The following CSMD1 variants were observed in gnomAD, a reference collection of about 807,000 sequenced individuals.
CSMD1 encodes CUB and sushi domain-containing protein 1.
A neutral mutation model predicts 417.5 loss-of-function variants in CSMD1; 213 were observed. The ratio of observed to expected loss-of-function variants is 0.51; its 90% CI spans 0.46 to 0.57. CSMD1 has a LOEUF of 0.57. CSMD1 is among the 20% of genes least tolerant of loss of function. The pLI is 0.00. For missense variants in CSMD1, 6,923 were observed against 4,529.7 expected (o/e 1.53, Z -15.17); for synonymous variants, 2,862 against 1,736.8 (o/e 1.65, Z -16.11).
At position 3,479,321 on chromosome 8, in the gene CSMD1, C is replaced by A. The variant is rs190761093; in HGVS notation, c.1449-10497G>T. Among the ~76,000 whole-genome samples the A allele has an allele frequency of 2.0e-5, 3 of 152,234 alleles. No individual in the cohort carries two copies. The East Asian group carries it at 5.8e-4, about 29-fold the overall frequency. On this transcript the variant is annotated intron_variant, in intron 11 of 69. Coordinates refer to ENST00000635120, the MANE Select transcript of CSMD1 (RefSeq NM_033225.6). The stretch of plus-strand genomic sequence containing the variant: ...TTTAGACTAAGTTTCACTCTTGTCA[C>A]CCAGGCTGGAGTGCAGTGGCATGAT...
chr8:3,900,662 C>T (rs1807686476), intron 5 of CSMD1, among the ~76,000 whole-genome samples: 1 of 151,954 alleles, frequency 6.6e-6, no homozygotes, highest in African/African-American at 2.4e-5. Context: ...AGCTGAGTGA[C>T]AGTGTAGCTA....
chr8:2,967,967 G>C (rs996181452), intron 57 of CSMD1, among the ~76,000 whole-genome samples: 25 of 152,276 alleles, frequency 1.6e-4, no homozygotes, highest in African/African-American at 6.0e-4. Context: ...GCAGACAGAA[G>C]TACTCAATCA....
At chr8:3,594,645 C>T (rs1226824090) in intron 8 of CSMD1, among the ~76,000 whole-genome samples, 4 of 152,194 alleles carry the variant, frequency 2.6e-5, no homozygotes, top group Non-Finnish European at 5.9e-5. Context: ...TACCCTCTGC[C>T]TCCACCTCAC....
chr8:4,330,968 C>T (rs1585246700), intron 3 of CSMD1, among the ~76,000 whole-genome samples: 1 of 152,214 alleles, frequency 6.6e-6, no homozygotes, highest in East Asian at 1.9e-4. Context: ...ATGCAAGACC[C>T]CCCGACATAT....
intron 5 of CSMD1, among the ~76,000 whole-genome samples, chr8:3,921,384 G>C (rs1425434353): frequency 1.3e-5 from 2 of 151,566 alleles, no homozygotes; most frequent in African/African-American, 2.4e-5. Flanking sequence ...TGTCTTTCTA[G>C]CCTCTATTTA....
chr8:3,035,916 T>C (rs537066729), intron 50 of CSMD1, among the ~76,000 whole-genome samples: 1 of 152,324 alleles, frequency 6.6e-6, no homozygotes, highest in Admixed American at 6.5e-5. Flanking sequence ...TTTCTTCAAT[T>C]TTCACAAATT....
chr8:4,670,528 G>A (rs2130945631), intron 1 of CSMD1, among the ~76,000 whole-genome samples: 1 of 152,064 alleles, frequency 6.6e-6, no homozygotes, highest in African/African-American at 2.4e-5. Context: ...TAACTGCAAG[G>A]GATACTGTGT....
At chr8:3,776,251 T>A (rs567269732) in intron 5 of CSMD1, among the ~76,000 whole-genome samples, 18 of 152,294 alleles carry the variant, frequency 1.2e-4, no homozygotes, top group Admixed American at 8.5e-4. Flanking sequence ...GCCTCCCTGC[T>A]TCTATCCTCC....
At chr8:3,706,704 C>G (rs1030896290) in intron 7 of CSMD1, among the ~76,000 whole-genome samples, 1 of 151,646 alleles carries the variant, frequency 6.6e-6, no homozygotes, top group South Asian at 2.1e-4. Flanking sequence ...AAGAGTTTGG[C>G]CGGATATGTG....
chr8:3,006,121 A>G (rs930689575), intron 52 of CSMD1, among the ~76,000 whole-genome samples: 3 of 151,128 alleles, frequency 2.0e-5, no homozygotes, highest in African/African-American at 4.9e-5. Flanking sequence ...ATTCTTATAC[A>G]CCAACAACAG....
chr8:4,561,321 T>C (rs755848673), intron 2 of CSMD1, among the ~76,000 whole-genome samples: 48 of 152,092 alleles, frequency 3.2e-4, no homozygotes, highest in African/African-American at 1.0e-3. Flanking sequence ...TTGCAGTGAA[T>C]CGAGATCATG....
chr8:4,905,830 AAAAAG>A (rs1221358540), intron 1 of CSMD1, among the ~76,000 whole-genome samples: 8 of 142,252 alleles, frequency 5.6e-5, no homozygotes, highest in East Asian at 2.0e-4. Flanking sequence ...AAAAAAAAAA[AAAAAG>A]AAAAAAAGAA....
At chr8:3,861,428 G>C (rs1381837754) in intron 5 of CSMD1, among the ~76,000 whole-genome samples, 1 of 152,204 alleles carries the variant, frequency 6.6e-6, no homozygotes, top group Non-Finnish European at 1.5e-5. Flanking sequence ...AATTGCATCT[G>C]ACTGGGGGTA....
intron 11 of CSMD1, among the ~76,000 whole-genome samples, chr8:3,486,415 T>C (rs1818038309): frequency 6.6e-6 from 1 of 152,238 alleles, no homozygotes; most frequent in Non-Finnish European, 1.5e-5. Context: ...CATCCTTCGA[T>C]GTTTATTTGA....
At chr8:3,050,637 T>C (rs1811760004) in intron 50 of CSMD1, among the ~76,000 whole-genome samples, 1 of 152,170 alleles carries the variant, frequency 6.6e-6, no homozygotes, top group Non-Finnish European at 1.5e-5. Context: ...AATAAAATAG[T>C]ACCGTCTTAA....
chr8:3,221,802 C>T (rs767810487), intron 28 of CSMD1, among the ~76,000 whole-genome samples: 115 of 152,232 alleles, frequency 7.6e-4, no homozygotes, highest in African/African-American at 2.6e-3. Flanking sequence ...ATGGAACATC[C>T]TCTCTCATCC....
At chr8:4,453,849 T>C (rs562393842) in intron 2 of CSMD1, among the ~76,000 whole-genome samples, 130 of 109,428 alleles carry the variant, frequency 1.2e-3, no homozygotes, top group African/African-American at 3.3e-3. Context: ...TGAGACAGAG[T>C]CTCACTCTGT....
chr8:3,056,443 C>T (rs1563288572), intron 49 of CSMD1, among the ~76,000 whole-genome samples: 1 of 152,216 alleles, frequency 6.6e-6, no homozygotes. Context: ...TCCAGGTTCA[C>T]TGCAGCCTCA....
chr8:4,973,420 T>A lies in CSMD1; in HGVS notation c.85+20912A>T, dbSNP rs77639967. ...TATTTGCTTGTCCTGAAGCATTACT[T>A]TCCCCAGTATGGGTTTTAGAACATT... is the stretch of plus-strand genomic sequence containing the variant. On this transcript the variant is annotated intron_variant, in intron 1 of 69. Transcript: ENST00000635120. Among the ~76,000 whole-genome samples, 43 of 152,314 alleles carry A rather than the reference T, an allele frequency of 2.8e-4. No individual in the cohort carries two copies. In the East Asian group the frequency reaches 8.3e-3, roughly 29 times the overall value.
Sources: allele counts gnomAD v4.1 joint callset (sites outside exome capture counted in the v4.1 genomes callset), GRCh38; gene constraint gnomAD v4.1.1; transcripts MANE v1.5; gene names NCBI Gene and HGNC (gene_info 2026-07-23, HGNC 2026-07-21).